SYNJ2: variants seen among roughly 807,000 people sequenced by gnomAD.
SYNJ2 encodes synaptojanin 2, also known as polyphosphatidylinositol phosphatase SYNJ2.
In SYNJ2, 116 loss-of-function variants were observed where a neutral mutation model predicts 141.3. The ratio of observed to expected loss-of-function variants is 0.82; its 90% confidence interval spans 0.71 to 0.96. SYNJ2 has a LOEUF of 0.96. Ranked by LOEUF, SYNJ2 falls within the 40% of genes least tolerant of loss-of-function variation. The pLI is 0.00. For missense variants in SYNJ2, 1,873 were observed against 1,934.8 expected, an observed-to-expected ratio of 0.97 and a Z score of 0.60; for synonymous variants, 745 against 777.7, an observed-to-expected ratio of 0.96 and a Z score of 0.70.
chr6:157,981,611 G>C (rs543529877), upstream of SYNJ2, among the ~76,000 whole-genome samples: 1 of 152,012 alleles, frequency 6.6e-6, no homozygotes, highest in Non-Finnish European at 1.5e-5. The surrounding 1 kb of genome is among the most constrained non-coding windows in gnomAD (Gnocchi z 6.4). Context: ...CGCCCCGCGC[G>C]GGGCATCCTC....
At position 158,070,391 on chromosome 6, in the gene SYNJ2, A is replaced by T; in HGVS notation, c.1940+718A>T. 1.0e-6 allele frequency: 1 copy of T among 985,376 alleles called. No homozygotes were observed. Among genetic ancestry groups the T allele is most frequent in the Non-Finnish European group, 1.2e-6 (1 of 829,970 alleles). 61.0% of individuals were successfully genotyped at this position (985,376 alleles called of 1,614,324 possible). The stretch of plus-strand genomic sequence containing the variant: ...GGGTACACCCCTGCAGCACCTGGAG[A>T]CTAAGACTATGCTGCCCATAATCCT... On this transcript the variant is annotated intron_variant, in intron 14 of 26. Coordinates refer to ENST00000355585, the MANE Select transcript of SYNJ2 (RefSeq NM_003898.4). This position sits in a 1 kb window ranked among gnomAD's most constrained non-coding sequence, Gnocchi z 4.0.
chr6:158,068,003 A>C (rs913259811), intron 12 of SYNJ2: 2 of 985,058 alleles, frequency 2.0e-6, no homozygotes, highest in Admixed American at 1.2e-4. Flanking sequence ...GGTATTTTGC[A>C]GGGGATTTTT....
At chr6:158,032,952 C>T (rs1305964771) in intron 3 of SYNJ2, among the ~76,000 whole-genome samples, 1 of 152,208 alleles carries the variant, frequency 6.6e-6, no homozygotes, top group Non-Finnish European at 1.5e-5. Flanking sequence ...ATAATCATCT[C>T]ATGGTGCATG....
intron 5 of SYNJ2, among the ~76,000 whole-genome samples, chr6:158,046,763 G>A (rs1780257674): frequency 6.6e-6 from 1 of 152,218 alleles, no homozygotes. Flanking sequence ...GGGCTGTGCA[G>A]TTTATAAATA....
intron 2 of SYNJ2, 115 bp downstream of exon 2, chr6:158,017,405 C>CCTTTT (rs781277179): frequency 1.8e-6 from 1 of 568,550 alleles, no homozygotes; most frequent in Non-Finnish European, 2.4e-6. Context: ...TCTCTCTCTT[C>CCTTTT]TTTTTTTTTT....
intron 6 of SYNJ2, among the ~76,000 whole-genome samples, chr6:158,058,448 G>A (rs1005571789): frequency 8.5e-5 from 13 of 152,154 alleles, no homozygotes; most frequent in Non-Finnish European, 1.6e-4. Flanking sequence ...CCAATACAAG[G>A]AATGTTTTCC....
At position 158,043,167 on chromosome 6, in the gene SYNJ2, C is replaced by A; in HGVS notation, c.712-149C>A. The A allele has an allele frequency of 1.6e-6, 1 of 638,902 alleles. No homozygotes were observed. The highest frequency in any genetic ancestry group is 2.8e-6 in the Non-Finnish European group (1 of 362,858). 39.6% of individuals were successfully genotyped at this position (638,902 alleles called of 1,614,324 possible). ...CTGGCGAGAGGTCAGGGCGCATTGCCGGATGGGGGAGCAGAGGACGCCGGA... is the reference window on the plus strand; with the variant it reads ...CTGGCGAGAGGTCAGGGCGCATTGCAGGATGGGGGAGCAGAGGACGCCGGA... On this transcript the variant is annotated intron_variant, in intron 4 of 26. Transcript: ENST00000355585. The surrounding 1 kb of genome is among the most constrained non-coding windows in gnomAD (Gnocchi z 4.0).
At chr6:158,080,488 A>AT (rs1158075476) in intron 18 of SYNJ2, among the ~76,000 whole-genome samples, 1 of 150,202 alleles carries the variant, frequency 6.7e-6, no homozygotes, top group East Asian at 1.9e-4. Context: ...ATAAAAAAAA[A>AT]AAAAAAAACG....
intron 1 of SYNJ2, among the ~76,000 whole-genome samples, chr6:157,994,424 T>C (rs989907689): frequency 5.3e-5 from 8 of 152,238 alleles, no homozygotes; most frequent in African/African-American, 1.2e-4. Context: ...TTTGTTTTTA[T>C]TTAAATGATG....
intron 18 of SYNJ2, 125 bp from the exon 19 acceptor site, chr6:158,080,984 G>T (rs1782639587): frequency 3.5e-6 from 3 of 852,068 alleles, no homozygotes; most frequent in Admixed American, 2.0e-5. Context: ...AGCCCTGGGG[G>T]ACAGCAGCTG....
At chr6:158,053,664 C>T (rs1347616051) in intron 5 of SYNJ2, among the ~76,000 whole-genome samples, 2 of 151,646 alleles carry the variant, frequency 1.3e-5, no homozygotes, top group Non-Finnish European at 1.5e-5. Flanking sequence ...CCACCATCCA[C>T]CCATCCCTCT....
Position 158,088,756 on chromosome 6 carries a change from G to A in SYNJ2, c.3440G>A (p.Gly1147Glu). ...SILQTARLLP[G>E]APQQPPKART... ...TTGCAGACGGCAAGACTTCTACCAG[G>A]AGCACCTCAGCAACCTGTGAGTTCT... The change falls in exon 24 of 27, where the codon GGA becomes GAA. Residue 1147 changes from glycine to glutamate, a missense_variant. Transcript: ENST00000355585. 6.2e-7 allele frequency: 1 copy of A among 1,613,414 alleles called. No individual in the cohort carries two copies. The highest frequency in any genetic ancestry group is 8.5e-7 in the Non-Finnish European group (1 of 1,179,466).
At chr6:158,077,333 G>A (rs1782366317) in intron 17 of SYNJ2, among the ~76,000 whole-genome samples, 1 of 152,060 alleles carries the variant, frequency 6.6e-6, no homozygotes, top group South Asian at 2.1e-4. Flanking sequence ...CTGCAAATAG[G>A]TCTGCTCCTG....
At chr6:158,048,789 C>T (rs1378256011) in intron 5 of SYNJ2, among the ~76,000 whole-genome samples, 1 of 152,124 alleles carries the variant, frequency 6.6e-6, no homozygotes, top group Non-Finnish European at 1.5e-5. Context: ...CCCATCGTGG[C>T]CACTTTCAAC....
chr6:158,028,519 C>G, intron 2 of SYNJ2: 1 of 574,396 alleles, frequency 1.7e-6, no homozygotes, highest in Non-Finnish European at 3.1e-6. Flanking sequence ...GTCTAACAGG[C>G]TCCCAGGGGA....
intron 1 of SYNJ2, among the ~76,000 whole-genome samples, chr6:157,987,234 G>A (rs543498635): frequency 7.9e-5 from 12 of 152,186 alleles, no homozygotes; most frequent in Non-Finnish European, 1.3e-4. Context: ...TGATCCACCC[G>A]CTTCGGCCTC....
chr6:158,081,182 G>T lies in SYNJ2; in HGVS notation c.2641G>T (p.Val881Leu), dbSNP rs774224719. ...VGARERVFQEVSSFQGPLDAT... is the reference protein window; with the variant it reads ...VGARERVFQELSSFQGPLDAT... ...TGCTCGGGAGAGGGTTTTCCAGGAA[G>T]TGTCCTCCTTCCAGGGCCCCCTGGA... The change falls in exon 19 of 27, where the codon GTG (valine) becomes TTG (leucine). Residue 881 changes from valine to leucine, a missense_variant. Val to Leu is a conservative substitution (Grantham distance 32). Transcript: ENST00000355585. The T allele has an allele frequency of 1.2e-5, 20 of 1,614,070 alleles. No homozygotes were observed. The Admixed American group carries it at 2.5e-4, about 20-fold the overall frequency.
intron 1 of SYNJ2, among the ~76,000 whole-genome samples, chr6:157,993,575 G>A (rs767313077): frequency 2.0e-5 from 3 of 151,884 alleles, no homozygotes; most frequent in Non-Finnish European, 4.4e-5. Context: ...TTGGTTGCCT[G>A]TGCTTGTGGG....
chr6:158,018,297 T>C (rs1265405111), intron 2 of SYNJ2, among the ~76,000 whole-genome samples: 4 of 152,190 alleles, frequency 2.6e-5, no homozygotes, highest in Non-Finnish European at 5.9e-5. Context: ...TCCTTCTCTC[T>C]CAGGGGCCCC....
Sources: allele counts gnomAD v4.1 joint callset (sites outside exome capture counted in the v4.1 genomes callset), GRCh38; gene constraint gnomAD v4.1.1; non-coding constraint Gnocchi (gnomAD v3.1); transcripts MANE v1.5; gene names NCBI Gene and HGNC (gene_info 2026-07-23, HGNC 2026-07-21).